Variants in PARD6B observed in about 807,000 individuals in gnomAD.
PARD6B encodes the protein partitioning defective 6 homolog beta.
PARD6B carries 4 observed loss-of-function variants against 10.5 expected under a neutral mutation model. The ratio of observed to expected loss-of-function variants is 0.38; its 90% CI spans 0.19 to 0.87. PARD6B has a LOEUF of 0.87. Ranked by LOEUF, PARD6B falls within the 40% of genes least tolerant of loss-of-function variation. The pLI is 0.41. For synonymous variants in PARD6B, 169 were observed against 170.4 expected (o/e 0.99, Z 0.07); for missense variants, 396 against 470.6 (o/e 0.84, Z 1.47).
rs761493336 is a variant in PARD6B at position 50,738,063 on chromosome 20, A to G, written c.273A>G (p.Ile91Met). The change falls in exon 2 of 3, where the codon ATA (isoleucine) becomes ATG (methionine). Residue 91 changes from isoleucine to methionine, a missense_variant. Coordinates refer to ENST00000371610, the MANE Select transcript of PARD6B (RefSeq NM_032521.3). ...AVSTANPLLR[I>M]FIQKKEEADY... ...CAACGGCCAATCCACTGCTTAGGAT[A>G]TTTATACAAAAGAAGGGTAAGTATC... 4 of 1,600,086 alleles carry G rather than the reference A, an allele frequency of 2.5e-6. No individual in the cohort carries two copies. In the African/African-American group the frequency reaches 5.4e-5, roughly 22 times the overall value.
At position 50,749,757 on chromosome 20, in the gene PARD6B, C is replaced by A; in HGVS notation, c.388C>A (p.His130Asn). ...TCCTGACAACCATAGAAAAAAGCCA[C>A]ATATAGTCATTAGTATGCCCCAAGA... ...LRPDNHRKKP[H>N]IVISMPQDFR... The change falls in exon 3 of 3, where the codon CAT becomes AAT. Residue 130 changes from histidine to asparagine, a missense_variant. Physicochemically the swap from His to Asn is moderately conservative, Grantham distance 68. Around this residue, in one of 2 missense-constraint regions of PARD6B, gnomAD observed 208 missense variants for 300.9 expected, o/e 0.69. Coordinates refer to ENST00000371610, the MANE Select transcript of PARD6B (RefSeq NM_032521.3). 6.2e-7 allele frequency: 1 copy of A among 1,614,184 alleles called. No individual in the cohort carries two copies. Among genetic ancestry groups the A allele is most frequent in the East Asian group, 2.2e-5 (1 of 44,886 alleles).
chr20:50,738,108 TTAGAAA>T (rs1159576208), intron 2 of PARD6B, 29 bp downstream of exon 2: 5 of 1,499,052 alleles, frequency 3.3e-6, no homozygotes, highest in Non-Finnish European at 4.5e-6. Flanking sequence ...AAAAATTGTG[TTAGAAA>T]TAGAAATAGT....
chr20:50,739,560 GATTATGT>G (rs1156302528), intron 2 of PARD6B, among the ~76,000 whole-genome samples: 4 of 152,118 alleles, frequency 2.6e-5, no homozygotes, highest in African/African-American at 9.7e-5. Flanking sequence ...GAATTCCACT[GATTATGT>G]ATCTTTGCTT....
Position 50,748,234 on chromosome 20 carries a change from C to T in PARD6B, c.290-1425C>T, listed in dbSNP as rs147977502. Among the ~76,000 whole-genome samples the T allele has an allele frequency of 6.0e-3, 915 of 152,306 alleles. 2 individuals carry two copies. The highest frequency in any genetic ancestry group is 0.01 in the Non-Finnish European group (682 of 68,022). On this transcript the variant is annotated intron_variant, in intron 2 of 2. Coordinates refer to ENST00000371610, the MANE Select transcript of PARD6B (RefSeq NM_032521.3). The stretch of plus-strand genomic sequence containing the variant: ...GGCGCATGCCTGTAATCCCAAGCCA[C>T]TTGGGAGGCTAAGGCAGGAGAATCG...
chr20:50,732,271 C>G lies in PARD6B; in HGVS notation c.66+419C>G, dbSNP rs77179296. Among the ~76,000 whole-genome samples the G allele has an allele frequency of 4.4e-3, 667 of 152,322 alleles. 5 individuals carry two copies. The highest frequency in any genetic ancestry group is 0.015 in the African/African-American group (620 of 41,578). ...TCCCACTTTCTGTGGTTAAGGGGCG[C>G]ATCGAGTGGCGAAGGAGAGAGCCCA... On this transcript the variant is annotated intron_variant, in intron 1 of 2. Coordinates refer to ENST00000371610, the MANE Select transcript of PARD6B (RefSeq NM_032521.3).
intron 2 of PARD6B, among the ~76,000 whole-genome samples, chr20:50,745,228 G>T (rs764433549): frequency 5.3e-5 from 8 of 152,122 alleles, no homozygotes; most frequent in Non-Finnish European, 8.8e-5. Flanking sequence ...TCAGGAGTTC[G>T]CCACCAGCCT....
In PARD6B at chr20:50,749,973, C is replaced by G. The variant is rs1600820435; in HGVS notation, c.604C>G (p.Leu202Val). The G allele has an allele frequency of 6.2e-7, 1 of 1,614,196 alleles. No individual in the cohort carries two copies. The highest frequency in any genetic ancestry group is 8.5e-7 in the Non-Finnish European group (1 of 1,180,042). ...IFISRLVPGGLAQSTGLLAVN... is the reference protein window; with the variant it reads ...IFISRLVPGGVAQSTGLLAVN... ...TATATCCAGGCTTGTCCCAGGAGGT[C>G]TGGCTCAAAGTACAGGACTATTAGC... Residue 202 changes from leucine to valine, a missense_variant, in exon 3 of 3, where the codon CTG (leucine) becomes GTG (valine). Physicochemically the swap from Leu to Val is conservative, Grantham distance 32. This residue lies in a region of PARD6B where 208 missense variants were observed against 300.9 expected (regional missense o/e 0.69). Coordinates refer to ENST00000371610, the MANE Select transcript of PARD6B (RefSeq NM_032521.3).
In PARD6B at chr20:50,753,593, CTTTG is replaced by C. The variant is rs945345443; in HGVS notation, c.*3109_*3112del. 162 of 824,680 alleles carry C rather than the reference CTTTG, an allele frequency of 2.0e-4. No individual in the cohort carries two copies. Among genetic ancestry groups the C allele is most frequent in the Non-Finnish European group, 2.1e-4 (144 of 683,466 alleles). 51.1% of individuals were successfully genotyped at this position (824,680 alleles called of 1,614,324 possible). On this transcript the variant is annotated 3_prime_UTR_variant, in exon 3 of 3. Transcript: ENST00000371610. ...TAACATGATTTTTACATGAATGATA[CTTTG>C]TTTATAACTATCAAATGTCAGTATT...
Position 50,752,517 on chromosome 20 carries a change from C to G in PARD6B, c.*2029C>G. ...AGAGTAAGGCTGCTAACTTTAATTC[C>G]TTGCCTGATTTTATTGTACAGTGTG... On this transcript the variant is annotated 3_prime_UTR_variant, in exon 3 of 3. Transcript: ENST00000371610. 2.0e-6 allele frequency: 2 copies of G among 981,658 alleles called. No individual in the cohort carries two copies. Among genetic ancestry groups the G allele is most frequent in the Non-Finnish European group, 2.4e-6 (2 of 828,560 alleles). 60.8% of individuals were successfully genotyped at this position (981,658 alleles called of 1,614,324 possible). A position where few individuals can be genotyped will look rare whatever the true frequency, so the allele number is the denominator to read the frequency against.
Position 50,751,923 on chromosome 20 carries a change from C to G in PARD6B, c.*1435C>G. ...TTCACCATGTTGGTCAGGTGGGTCT[C>G]AAACTCCTGACCTCAAGTGATCCGC... On this transcript the variant is annotated 3_prime_UTR_variant, in exon 3 of 3. Coordinates refer to ENST00000371610, the MANE Select transcript of PARD6B (RefSeq NM_032521.3). 1.1e-6 allele frequency: 1 copy of G among 939,038 alleles called. No individual in the cohort carries two copies. Among genetic ancestry groups the G allele is most frequent in the Non-Finnish European group, 1.3e-6 (1 of 788,060 alleles). The allele number at this position is 939,038 out of a possible 1,614,324, so 58.2% of individuals were successfully genotyped here.
chr20:50,742,449 T>C (rs1386786421), intron 2 of PARD6B, among the ~76,000 whole-genome samples: 1 of 151,698 alleles, frequency 6.6e-6, no homozygotes, highest in East Asian at 1.9e-4. Flanking sequence ...CACTGCAGCC[T>C]CTACCTCCTG....
intron 2 of PARD6B, among the ~76,000 whole-genome samples, chr20:50,748,615 A>G (rs560169749): frequency 6.6e-6 from 1 of 152,256 alleles, no homozygotes; most frequent in East Asian, 1.9e-4. Context: ...GCAGACCTGA[A>G]TCCTGGAGTG....
rs111984714 is a variant in PARD6B, at chr20:50,752,838, C to T, written c.*2350C>T. On this transcript the variant is annotated 3_prime_UTR_variant, in exon 3 of 3. Coordinates refer to ENST00000371610, the MANE Select transcript of PARD6B (RefSeq NM_032521.3). ...TACCACTAAGCATATTATCAGTAAA[C>T]TATTAACTGACTGCACATTATGTAA... 13,163 of 979,176 alleles carry T rather than the reference C, an allele frequency of 0.013. 124 individuals carry two copies. Among genetic ancestry groups the T allele is most frequent in the Middle Eastern group, 0.029 (56 of 1,908 alleles). The allele number at this position is 979,176 out of a possible 1,614,324, so 60.7% of individuals were successfully genotyped here. A position where few individuals can be genotyped will look rare whatever the true frequency, so the allele number is the denominator to read the frequency against.
intron 1 of PARD6B, among the ~76,000 whole-genome samples, chr20:50,733,547 G>T (rs1286872123): frequency 6.6e-6 from 1 of 152,188 alleles, no homozygotes; most frequent in Non-Finnish European, 1.5e-5. Flanking sequence ...ATGTCCATGT[G>T]TCCTCTGTGC....
In PARD6B at chr20:50,750,881, A is replaced by AGTC. The variant is rs2087601431; in HGVS notation, c.*394_*396dup. On this transcript the variant is annotated 3_prime_UTR_variant, in exon 3 of 3. Transcript: ENST00000371610. ...CTGTATTTTTAAAATTCTAATGTGA[A>AGTC]GTCTGATTCTCTCTTGTGGTACATT... 1.0e-6 allele frequency: 1 copy of AGTC among 991,562 alleles called. No homozygotes were observed. 61.4% of individuals were successfully genotyped at this position (991,562 alleles called of 1,614,324 possible). A position where few individuals can be genotyped will look rare whatever the true frequency, so the allele number is the denominator to read the frequency against.
At position 50,752,930 on chromosome 20, in the gene PARD6B, G is replaced by A. The variant is rs1053706994; in HGVS notation, c.*2442G>A. Reference sequence around the variant, plus strand: ...TATATGCTATTTTTAATGGCATTCCGGCTTTAACATTCTGTGAGTCTTACA... The same window carrying A: ...TATATGCTATTTTTAATGGCATTCCAGCTTTAACATTCTGTGAGTCTTACA... On this transcript the variant is annotated 3_prime_UTR_variant, in exon 3 of 3. Transcript: ENST00000371610. The A allele has an allele frequency of 3.4e-5, 33 of 982,804 alleles. No homozygotes were observed. Among genetic ancestry groups the A allele is most frequent in the Middle Eastern group, 5.2e-4 (1 of 1,932 alleles). The allele number at this position is 982,804 out of a possible 1,614,324, so 60.9% of individuals were successfully genotyped here.
chr20:50,750,153 T>C lies in PARD6B; in HGVS notation c.784T>C (p.Ser262Pro), dbSNP rs2087592580. 6.2e-7 allele frequency: 1 copy of C among 1,614,134 alleles called. No homozygotes were observed. The highest frequency in any genetic ancestry group is 1.7e-5 in the Admixed American group (1 of 60,002). Reference protein sequence around the residue: ...RNNVVRNSRTSGSSGQSTDNS... With the variant: ...RNNVVRNSRTPGSSGQSTDNS... ...TAATGTTGTGAGGAACAGTCGGACT[T>C]CTGGCAGTTCCGGTCAGTCTACTGA... is the stretch of plus-strand genomic sequence containing the variant. The change falls in exon 3 of 3, where the codon TCT becomes CCT. Residue 262 changes from serine to proline, a missense_variant. Ser to Pro is a moderately conservative substitution (Grantham distance 74). Coordinates refer to ENST00000371610, the MANE Select transcript of PARD6B (RefSeq NM_032521.3).
rs1317180019 is a variant in PARD6B at position 50,751,797 on chromosome 20, G to C, written c.*1309G>C. 1 of 950,996 alleles carries C rather than the reference G, an allele frequency of 1.1e-6. No individual in the cohort carries two copies. The highest frequency in any genetic ancestry group is 1.2e-6 in the Non-Finnish European group (1 of 802,362). 58.9% of individuals were successfully genotyped at this position (950,996 alleles called of 1,614,324 possible). ...GCAGTGGTGCAATCTCAGCTCCCGG[G>C]TTCAAGCAATTCTCCTGCCTCAGCC... On this transcript the variant is annotated 3_prime_UTR_variant, in exon 3 of 3. Transcript: ENST00000371610.
chr20:50,752,017 A>T lies in PARD6B; in HGVS notation c.*1529A>T, dbSNP rs965184248. Reference sequence around the variant, plus strand: ...CCAGGAAGCTATCTTTTCTTGAGTTATGAAACTTTGCAACAGTTGTTCAAA... The same window carrying T: ...CCAGGAAGCTATCTTTTCTTGAGTTTTGAAACTTTGCAACAGTTGTTCAAA... On this transcript the variant is annotated 3_prime_UTR_variant, in exon 3 of 3. Transcript: ENST00000371610. 1.0e-6 allele frequency: 1 copy of T among 985,264 alleles called. No homozygotes were observed. The highest frequency in any genetic ancestry group is 1.7e-5 in the African/African-American group (1 of 57,222). The allele number at this position is 985,264 out of a possible 1,614,324, so 61.0% of individuals were successfully genotyped here.
Sources: gnomAD v4.1 joint callset for allele counts (sites outside exome capture counted in the v4.1 genomes callset) on GRCh38, gnomAD v4.1.1 for gene constraint, gnomAD v4.1.1 regional missense constraint, MANE v1.5 for transcripts, NCBI Gene and HGNC (gene_info 2026-07-23, HGNC 2026-07-21) for gene names.